ANKS1A: variants seen among roughly 807,000 people sequenced by gnomAD.
The protein encoded by ANKS1A is ankyrin repeat and SAM domain-containing protein 1A.
Under a neutral mutation model 120.3 loss-of-function variants are expected in ANKS1A, and 55 were observed. The observed-to-expected ratio is 0.46, with a 90% CI of 0.37 to 0.57. The LOEUF (loss-of-function observed/expected upper bound fraction) is 0.57. Ranked by LOEUF, ANKS1A falls within the 20% of genes least tolerant of loss-of-function variation. The probability of loss-of-function intolerance (pLI) is 0.00; values close to 1 mark genes in which losing one functional copy is unlikely to be tolerated. For synonymous variants in ANKS1A, 590 were observed against 604.7 expected, an observed-to-expected ratio of 0.98 and a Z score of 0.36; for missense variants, 1,123 against 1,480.3, an observed-to-expected ratio of 0.76 and a Z score of 3.96.
rs1778204938 is a variant in ANKS1A, at chr6:35,089,817, G to A, written c.*1208G>A. 1.9e-6 allele frequency: 2 copies of A among 1,026,020 alleles called. No individual in the cohort carries two copies. The highest frequency in any genetic ancestry group is 3.4e-5 in the African/African-American group (2 of 58,546). The allele number at this position is 1,026,020 out of a possible 1,614,324, so 63.6% of individuals were successfully genotyped here. A position where few individuals can be genotyped will look rare whatever the true frequency, so the allele number is the denominator to read the frequency against. On this transcript the variant is annotated 3_prime_UTR_variant, in exon 24 of 24. Transcript: ENST00000360359. ...AGGGGAAACTGCTGTGGATTTGAGAGGCAAAGTTGGCTCAGCTGTGTGCCC... is the reference window on the plus strand; with the variant it reads ...AGGGGAAACTGCTGTGGATTTGAGAAGCAAAGTTGGCTCAGCTGTGTGCCC...
At chr6:34,967,390 C>A in intron 2 of ANKS1A, 71 bp downstream of exon 2, 1 of 1,514,396 alleles carries the variant, frequency 6.6e-7, no homozygotes, top group Non-Finnish European at 9.1e-7. Context: ...CTTTTCATTT[C>A]CTAGAAAAGT....
At position 35,079,882 on chromosome 6, in the gene ANKS1A, C is replaced by G. The variant is rs776622287; in HGVS notation, c.2498C>G (p.Pro833Arg). 6.4e-7 allele frequency: 1 copy of G among 1,563,860 alleles called. No individual in the cohort carries two copies. Among genetic ancestry groups the G allele is most frequent in the Non-Finnish European group, 8.7e-7 (1 of 1,154,024 alleles). The stretch of plus-strand genomic sequence containing the variant: ...ATCATCGCCTCCCTCGCAGACAGAC[C>G]GTACGAGGAGCCGCCCCAGAAGCCC... ...KRIIASLADR[P>R]YEEPPQKPPR... Residue 833 changes from proline (P) to arginine (R), a missense_variant, in exon 16 of 24, where the codon CCG becomes CGG. This residue lies in a region of ANKS1A where 904 missense variants were observed against 1,130.4 expected (regional missense o/e 0.80). Coordinates refer to ENST00000360359, the MANE Select transcript of ANKS1A (RefSeq NM_015245.3).
intron 13 of ANKS1A, among the ~76,000 whole-genome samples, chr6:35,071,383 C>T (rs1161339102): frequency 6.6e-6 from 1 of 152,204 alleles, no homozygotes; most frequent in Non-Finnish European, 1.5e-5. Flanking sequence ...TGCTGTCTGT[C>T]ATGCGATGCC....
At chr6:34,945,215 A>G (rs1769730482) in intron 1 of ANKS1A, among the ~76,000 whole-genome samples, 1 of 152,134 alleles carries the variant, frequency 6.6e-6, no homozygotes, top group African/African-American at 2.4e-5. Flanking sequence ...AGCTGGGACT[A>G]CAGGCATGCA....
At chr6:35,083,704 C>T (rs1008170803) in intron 20 of ANKS1A, among the ~76,000 whole-genome samples, 2 of 152,192 alleles carry the variant, frequency 1.3e-5, no homozygotes, top group Non-Finnish European at 1.5e-5. Context: ...GCCCCGTCCC[C>T]GCCCTAGTGA....
intron 11 of ANKS1A, among the ~76,000 whole-genome samples, chr6:35,032,576 A>C (rs566434157): frequency 1.3e-5 from 2 of 152,298 alleles, no homozygotes; most frequent in African/African-American, 4.8e-5. Flanking sequence ...GGATGTCCTG[A>C]GTCCTTAAAA....
rs565404556 is a variant in ANKS1A, at chr6:35,059,147, G to A, written c.2078-1000G>A. ...ACCTGAGCAGGCAGGTGAGTCACTGGAACAGCTGTTATCAGAAGAGGAAAA... is the reference window on the plus strand; with the variant it reads ...ACCTGAGCAGGCAGGTGAGTCACTGAAACAGCTGTTATCAGAAGAGGAAAA... On this transcript the variant is annotated intron_variant, in intron 12 of 23. Transcript: ENST00000360359. Among the ~76,000 whole-genome samples, 4 of 152,334 alleles carry A rather than the reference G, an allele frequency of 2.6e-5. No individual in the cohort carries two copies. The South Asian group carries it at 8.3e-4, about 32-fold the overall frequency.
chr6:34,992,055 C>G lies in ANKS1A; in HGVS notation c.1303-2247C>G, dbSNP rs189363866. Among the ~76,000 whole-genome samples the G allele has an allele frequency of 4.6e-5, 7 of 152,214 alleles. No individual in the cohort carries two copies. In the East Asian group the frequency reaches 1.4e-3, roughly 29 times the overall value. ...CCAGCACCAAGAAGAAATGATCACT[C>G]TACTTGTCGTCTGGGTATGAGCAAT... On this transcript the variant is annotated intron_variant, in intron 9 of 23. Coordinates refer to ENST00000360359, the MANE Select transcript of ANKS1A (RefSeq NM_015245.3).
intron 11 of ANKS1A, among the ~76,000 whole-genome samples, chr6:35,033,672 G>C (rs1775014510): frequency 6.6e-6 from 1 of 152,208 alleles, no homozygotes; most frequent in African/African-American, 2.4e-5. Context: ...CAGGAGCTTA[G>C]TGATGGATGC....
At position 34,921,190 on chromosome 6, in the gene ANKS1A, C is replaced by T. The variant is rs117867766; in HGVS notation, c.197+31591C>T. ...AGGCCACCTGGATTTCTGATTGATACAGAAAACTTACACAACATATCTAAA... is the reference window on the plus strand; with the variant it reads ...AGGCCACCTGGATTTCTGATTGATATAGAAAACTTACACAACATATCTAAA... On this transcript the variant is annotated intron_variant, in intron 1 of 23. Coordinates refer to ENST00000360359, the MANE Select transcript of ANKS1A (RefSeq NM_015245.3). Among the ~76,000 whole-genome samples the T allele has an allele frequency of 4.8e-4, 73 of 152,314 alleles. No homozygotes were observed. The Middle Eastern group carries it at 0.01, about 21-fold the overall frequency.
Position 35,057,129 on chromosome 6 carries a change from C to A in ANKS1A, c.2077+2964C>A, listed in dbSNP as rs560017508. ...CACTGGTTTTGCAGAGGCGCCCGCA[C>A]CCCCCAGCCGAAGGGCACGACCACA... On this transcript the variant is annotated intron_variant, in intron 12 of 23. Transcript: ENST00000360359. This position sits in a 1 kb window ranked among gnomAD's most constrained non-coding sequence, Gnocchi z 4.1. Among the ~76,000 whole-genome samples the A allele has an allele frequency of 6.6e-6, 1 of 151,868 alleles. No individual in the cohort carries two copies. Among genetic ancestry groups the A allele is most frequent in the Admixed American group, 6.6e-5 (1 of 15,266 alleles).
chr6:35,026,011 T>A (rs1037081914), intron 11 of ANKS1A, among the ~76,000 whole-genome samples: 1 of 152,178 alleles, frequency 6.6e-6, no homozygotes, highest in Non-Finnish European at 1.5e-5. Context: ...CTTTTCTCCC[T>A]TTTTTGTTAT....
intron 13 of ANKS1A, among the ~76,000 whole-genome samples, chr6:35,075,693 C>A (rs1230124578): frequency 6.6e-6 from 1 of 152,098 alleles, no homozygotes; most frequent in Non-Finnish European, 1.5e-5. Flanking sequence ...GGATTACAGG[C>A]CGAGCCACCG....
At chr6:35,012,295 A>G (rs939480591) in intron 10 of ANKS1A, among the ~76,000 whole-genome samples, 1 of 152,084 alleles carries the variant, frequency 6.6e-6, no homozygotes, top group Non-Finnish European at 1.5e-5. Flanking sequence ...ACCAAAATGA[A>G]CTCTCAGTCT....
intron 11 of ANKS1A, among the ~76,000 whole-genome samples, chr6:35,025,568 C>T (rs1174359089): frequency 1.3e-5 from 2 of 152,098 alleles, no homozygotes; most frequent in African/African-American, 2.4e-5. Flanking sequence ...GATGCATTTC[C>T]CCATTGCTGC....
intron 1 of ANKS1A, among the ~76,000 whole-genome samples, chr6:34,912,924 T>C (rs1313167364): frequency 1.3e-5 from 2 of 152,304 alleles, no homozygotes; most frequent in East Asian, 1.9e-4. Flanking sequence ...CCTGTTTTGA[T>C]TGTGGTTAAC....
intron 1 of ANKS1A, among the ~76,000 whole-genome samples, chr6:34,910,947 G>A (rs1007066676): frequency 6.6e-6 from 1 of 152,114 alleles, no homozygotes; most frequent in Admixed American, 6.5e-5. Flanking sequence ...GGGAGAGTGG[G>A]GTTTTGTGGA....
rs117824627 is a variant in ANKS1A at position 34,966,017 on chromosome 6, A to G, written c.198-1222A>G. On this transcript the variant is annotated intron_variant, in intron 1 of 23. Coordinates refer to ENST00000360359, the MANE Select transcript of ANKS1A (RefSeq NM_015245.3). ...CTCAGCTTCCCAAAGTGCTGGGATT[A>G]TAAGCATGAGCCATCGCACCTGGCC... 0.018 allele frequency among the ~76,000 whole-genome samples: 2,687 copies of G among 152,264 alleles called. 144 individuals carry two copies. In the East Asian group the frequency reaches 0.21, roughly 12 times the overall value.
intron 3 of ANKS1A, among the ~76,000 whole-genome samples, chr6:34,977,697 T>A (rs966896218): frequency 6.6e-6 from 1 of 152,180 alleles, no homozygotes; most frequent in Non-Finnish European, 1.5e-5. Context: ...AGAGTAAGTC[T>A]AACTCTTCTT....
Sources: allele counts gnomAD v4.1 joint callset (sites outside exome capture counted in the v4.1 genomes callset), GRCh38; gene constraint gnomAD v4.1.1; regional missense constraint gnomAD v4.1.1; non-coding constraint Gnocchi (gnomAD v3.1); transcripts MANE v1.5; gene names NCBI Gene and HGNC (gene_info 2026-07-23, HGNC 2026-07-21).